The following SKA2 variants were observed in gnomAD, a reference collection of about 807,000 sequenced individuals.
SKA2 encodes the protein spindle and kinetochore-associated protein 2.
In SKA2, 13 loss-of-function variants were observed where a neutral mutation model predicts 16.9. That is an observed-to-expected ratio of 0.77 (90% CI 0.50 to 1.22). The LOEUF (loss-of-function observed/expected upper bound fraction) is 1.22. Ranked by LOEUF, SKA2 falls within the 50% of genes most tolerant of loss-of-function variation. The pLI is 0.00. For missense variants in SKA2, 107 were observed against 139.7 expected (o/e 0.77, Z 1.18); for synonymous variants, 47 against 48.5 (o/e 0.97, Z 0.13).
chr17:59,140,972 T>C (rs2046484348), intron 1 of SKA2, among the ~76,000 whole-genome samples: 1 of 151,346 alleles, frequency 6.6e-6, no homozygotes, highest in Non-Finnish European at 1.5e-5. Context: ...TTTTTTTTTT[T>C]CCTTTGTAGA....
intron 1 of SKA2, among the ~76,000 whole-genome samples, chr17:59,146,736 C>T (rs2046535151): frequency 1.3e-5 from 2 of 152,124 alleles, no homozygotes; most frequent in Non-Finnish European, 2.9e-5. Flanking sequence ...ACAATCATAG[C>T]TCATTGCAGT....
chr17:59,154,809 T>A, intron 1 of SKA2: 2 of 822,368 alleles, frequency 2.4e-6, no homozygotes, highest in Non-Finnish European at 3.9e-6. Flanking sequence ...ACATCTTTTT[T>A]GGTACAAACA....
chr17:59,151,584 A>G (rs1001994806), intron 1 of SKA2, among the ~76,000 whole-genome samples: 2 of 152,218 alleles, frequency 1.3e-5, no homozygotes, highest in Non-Finnish European at 2.9e-5. Flanking sequence ...TTCTCTGCAG[A>G]GATGTTGGTT....
At chr17:59,128,142 G>A (rs2046384208) in intron 2 of SKA2, among the ~76,000 whole-genome samples, 1 of 151,856 alleles carries the variant, frequency 6.6e-6, no homozygotes, top group South Asian at 2.1e-4. Flanking sequence ...TTGAACCCAG[G>A]AGGCGGAGGT....
At chr17:59,137,799 A>G (rs1450965019) in intron 1 of SKA2, 2 of 532,148 alleles carry the variant, frequency 3.8e-6, no homozygotes, top group African/African-American at 1.9e-5. Flanking sequence ...CCTATAAGCA[A>G]TATTGCACTA....
intron 2 of SKA2, among the ~76,000 whole-genome samples, chr17:59,130,005 GAA>G (rs929130035): frequency 3.9e-5 from 5 of 129,000 alleles, no homozygotes; most frequent in Admixed American, 3.3e-4. Context: ...AAGGAAGAGA[GAA>G]AAAGAGAGGG....
At chr17:59,124,157 G>A (rs1007201191) in intron 2 of SKA2, 1 of 152,176 alleles carries the variant, frequency 6.6e-6, no homozygotes, top group Non-Finnish European at 1.5e-5. Context: ...AGTTTAGGCC[G>A]GGGTGGTGAC....
intron 1 of SKA2, among the ~76,000 whole-genome samples, chr17:59,132,078 G>A (rs762232436): frequency 2.2e-4 from 34 of 152,068 alleles, no homozygotes; most frequent in Non-Finnish European, 4.3e-4. Flanking sequence ...AGTATTGGCC[G>A]GGCACAGTGG....
chr17:59,123,226 C>T (rs570320216), intron 2 of SKA2, among the ~76,000 whole-genome samples: 4 of 144,260 alleles, frequency 2.8e-5, no homozygotes, highest in South Asian at 4.3e-4. Context: ...ACTTTATCTT[C>T]CATAGTACAA....
chr17:59,117,045 G>A (rs2046301469), intron 3 of SKA2, among the ~76,000 whole-genome samples: 1 of 151,850 alleles, frequency 6.6e-6, no homozygotes, highest in African/African-American at 2.4e-5. Flanking sequence ...TCGATCTCCT[G>A]GCCTCGTAAT....
At chr17:59,122,872 C>T (rs2046344580) in intron 2 of SKA2, among the ~76,000 whole-genome samples, 1 of 151,672 alleles carries the variant, frequency 6.6e-6, no homozygotes, top group Non-Finnish European at 1.5e-5. Flanking sequence ...ATCTGCCTAC[C>T]TCGGCCTCCC....
chr17:59,154,945 T>C lies in SKA2; in HGVS notation c.33+186A>G, dbSNP rs377016243. On this transcript the variant is annotated intron_variant, in intron 1 of 3. Coordinates refer to ENST00000330137, the MANE Select transcript of SKA2 (RefSeq NM_182620.4). ...ATTTCCCTGACGAGTTTCCCGGATG[T>C]AACCCCTTACCCGAGGCGGTTTAGA... 13 of 1,613,470 alleles carry C rather than the reference T, an allele frequency of 8.1e-6. No individual in the cohort carries two copies. The Middle Eastern group carries it at 4.9e-4, about 61-fold the overall frequency.
chr17:59,115,434 T>A (rs1295177317), intron 3 of SKA2, among the ~76,000 whole-genome samples: 1 of 152,118 alleles, frequency 6.6e-6, no homozygotes, highest in Non-Finnish European at 1.5e-5. Flanking sequence ...AGAACCTATA[T>A]GATTCTGATA....
At chr17:59,144,258 A>T (rs7222087) in intron 1 of SKA2, among the ~76,000 whole-genome samples, 65,434 of 151,268 alleles carry the variant, frequency 0.43, 16,243 homozygotes, top group African/African-American at 0.7. Context: ...AAAAAAAAAA[A>T]GACAAGTGTT....
chr17:59,150,544 C>T (rs1254071489), intron 1 of SKA2, among the ~76,000 whole-genome samples: 1 of 152,086 alleles, frequency 6.6e-6, no homozygotes, highest in African/African-American at 2.4e-5. Flanking sequence ...CAAGACCAAC[C>T]TCGGCAACAC....
chr17:59,149,140 T>C (rs113405499), intron 1 of SKA2, among the ~76,000 whole-genome samples: 3,412 of 152,164 alleles, frequency 0.022, 151 homozygotes, highest in African/African-American at 0.076. Context: ...ATACTTTTTT[T>C]CCCCCAAGGA....
At chr17:59,151,211 T>C (rs2046574960) in intron 1 of SKA2, 1 of 508,744 alleles carries the variant, frequency 2.0e-6, no homozygotes, top group Non-Finnish European at 4.1e-6. Context: ...GTCAGAGCAT[T>C]CGTTAGCAGT....
At chr17:59,116,983 T>C (rs960746969) in intron 3 of SKA2, among the ~76,000 whole-genome samples, 3 of 151,776 alleles carry the variant, frequency 2.0e-5, no homozygotes, top group Admixed American at 2.0e-4. Flanking sequence ...GCCCAGCTAA[T>C]GTTTTGTTAT....
chr17:59,145,250 A>T (rs1395284630), intron 1 of SKA2, among the ~76,000 whole-genome samples: 2 of 152,358 alleles, frequency 1.3e-5, no homozygotes, highest in East Asian at 3.9e-4. Flanking sequence ...ATAGGGAAAA[A>T]AGTTCACAAA....
Sources: allele counts gnomAD v4.1 joint callset (sites outside exome capture counted in the v4.1 genomes callset), GRCh38; gene constraint gnomAD v4.1.1; transcripts MANE v1.5; gene names NCBI Gene and HGNC (gene_info 2026-07-23, HGNC 2026-07-21).